Variants in HS6ST1 observed in about 807,000 individuals in gnomAD.
The protein encoded by HS6ST1 is heparan-sulfate 6-O-sulfotransferase 1.
HS6ST1 carries 3 observed loss-of-function variants against 25.2 expected under a neutral mutation model. That is an observed-to-expected ratio of 0.12 (90% confidence interval 0.05 to 0.31). The LOEUF is 0.31. HS6ST1 is among the 10% of genes least tolerant of loss of function. The pLI is 1.00. For synonymous variants in HS6ST1, 204 were observed against 275.1 expected, an observed-to-expected ratio of 0.74 and a Z score of 2.56; for missense variants, 310 against 609.6, an observed-to-expected ratio of 0.51 and a Z score of 5.18.
intron 1 of HS6ST1, among the ~76,000 whole-genome samples, chr2:128,273,456 C>T (rs1224332359): frequency 1.3e-5 from 2 of 152,228 alleles, no homozygotes; most frequent in Non-Finnish European, 2.9e-5. Flanking sequence ...CTGCCCTTGG[C>T]CACCGTCCAG....
chr2:128,309,537 G>A (rs1025444003), intron 1 of HS6ST1, among the ~76,000 whole-genome samples: 3 of 152,208 alleles, frequency 2.0e-5, no homozygotes, highest in Non-Finnish European at 4.4e-5. Context: ...CATGACCACC[G>A]GGGGCGGTCA....
At chr2:128,287,456 G>A (rs74823677) in intron 1 of HS6ST1, among the ~76,000 whole-genome samples, 3 of 152,338 alleles carry the variant, frequency 2.0e-5, no homozygotes, top group Non-Finnish European at 4.4e-5. Context: ...ACAGAGAACT[G>A]GGCAGAGAGC....
In HS6ST1 at chr2:128,268,521, G is replaced by T. The variant is rs1419662407; in HGVS notation, c.877C>A (p.Leu293Met). The change falls in exon 2 of 2, where the codon CTG becomes ATG. Residue 293 changes from leucine to methionine, a missense_variant. Transcript: ENST00000259241. ...KNLRGMAFFG[L>M]TEFQRKTQYL... The stretch of plus-strand genomic sequence containing the variant: ...TGCGTCTTGCGCTGGAACTCGGTCA[G>T]GCCGAAGAAGGCCATGCCCCGCAGG... 5 of 1,604,552 alleles carry T rather than the reference G, an allele frequency of 3.1e-6. No individual in the cohort carries two copies. Among genetic ancestry groups the T allele is most frequent in the Non-Finnish European group, 1.7e-6 (2 of 1,175,432 alleles).
At chr2:128,276,142 A>G (rs1693691055) in intron 1 of HS6ST1, among the ~76,000 whole-genome samples, 1 of 152,142 alleles carries the variant, frequency 6.6e-6, no homozygotes, top group African/African-American at 2.4e-5. Context: ...AATTATTATT[A>G]TTATTGAGAC....
At chr2:128,293,108 T>A (rs994145389) in intron 1 of HS6ST1, among the ~76,000 whole-genome samples, 7 of 152,092 alleles carry the variant, frequency 4.6e-5, no homozygotes, top group Admixed American at 3.9e-4. Flanking sequence ...CAGGCCTCCC[T>A]CCCCAAAGGC....
At chr2:128,303,916 A>T (rs1694169698) in intron 1 of HS6ST1, among the ~76,000 whole-genome samples, 1 of 152,230 alleles carries the variant, frequency 6.6e-6, no homozygotes. Flanking sequence ...GTGAGCAGAG[A>T]TCTTCCAATC....
intron 1 of HS6ST1, 48 bp downstream of exon 1, chr2:128,317,989 G>T: frequency 7.1e-7 from 1 of 1,400,676 alleles, no homozygotes. Flanking sequence ...CATACGGCCC[G>T]GCCTCGGGGG....
Position 128,267,473 on chromosome 2 carries a change from G to C in HS6ST1, c.*689C>G, listed in dbSNP as rs1573685666. ...ACCCCTCCTTGGTCTGAGGACTGTA[G>C]GGAGTGGGTGGGGCCTGAACATCAG... On this transcript the variant is annotated 3_prime_UTR_variant, in exon 2 of 2. Coordinates refer to ENST00000259241, the MANE Select transcript of HS6ST1 (RefSeq NM_004807.3). The C allele has an allele frequency of 6.5e-6, 1 of 153,620 alleles. No individual in the cohort carries two copies. The highest frequency in any genetic ancestry group is 1.4e-5 in the Non-Finnish European group (1 of 69,090). 9.5% of individuals were successfully genotyped at this position (153,620 alleles called of 1,614,324 possible). A position where few individuals can be genotyped will look rare whatever the true frequency, so the allele number is the denominator to read the frequency against.
rs1318016490 is a variant in HS6ST1 at position 128,268,421 on chromosome 2, C to T, written c.977G>A (p.Gly326Asp). ...GATGGTGTCTTCATCCACCTCCACG[C>T]CGCCCGCCCGCGTGCTATTGTACTG... Reference protein sequence around the residue: ...FMQYNSTRAGGVEVDEDTIRR... With the variant: ...FMQYNSTRAGDVEVDEDTIRR... Residue 326 changes from glycine (G) to aspartate (D), a missense_variant, in exon 2 of 2, where the codon GGC becomes GAC. Transcript: ENST00000259241. The T allele has an allele frequency of 3.1e-6, 5 of 1,613,638 alleles. No homozygotes were observed. Among genetic ancestry groups the T allele is most frequent in the Non-Finnish European group, 4.2e-6 (5 of 1,179,862 alleles).
chr2:128,278,830 T>C (rs1693736046), intron 1 of HS6ST1, among the ~76,000 whole-genome samples: 1 of 152,152 alleles, frequency 6.6e-6, no homozygotes, highest in Non-Finnish European at 1.5e-5. Context: ...GATAATGAAT[T>C]TTTTTCAACA....
chr2:128,277,964 A>C (rs1693720289), intron 1 of HS6ST1, among the ~76,000 whole-genome samples: 1 of 152,224 alleles, frequency 6.6e-6, no homozygotes. Context: ...AGTGTGCCCC[A>C]CAATCAGGTA....
intron 1 of HS6ST1, among the ~76,000 whole-genome samples, chr2:128,294,690 G>A (rs1406205263): frequency 6.7e-6 from 1 of 148,746 alleles, no homozygotes; most frequent in Non-Finnish European, 1.5e-5. Context: ...GTGTGTGTGT[G>A]TGTGTGTGTG....
intron 1 of HS6ST1, among the ~76,000 whole-genome samples, chr2:128,286,103 G>C (rs1187395751): frequency 5.9e-5 from 9 of 152,208 alleles, no homozygotes. Flanking sequence ...GGCGTATGTA[G>C]GGAGACTTAG....
intron 1 of HS6ST1, among the ~76,000 whole-genome samples, chr2:128,283,899 T>C (rs1693823114): frequency 6.6e-6 from 1 of 152,220 alleles, no homozygotes; most frequent in Non-Finnish European, 1.5e-5. Context: ...CTCCTGGGAC[T>C]GTGGAGATTT....
At chr2:128,275,518 A>G (rs770079664) in intron 1 of HS6ST1, among the ~76,000 whole-genome samples, 7 of 152,240 alleles carry the variant, frequency 4.6e-5, no homozygotes, top group African/African-American at 4.8e-5. Flanking sequence ...TCATAAGCCA[A>G]CTGGAACTAC....
chr2:128,273,801 T>A (rs1693649892), intron 1 of HS6ST1, among the ~76,000 whole-genome samples: 1 of 152,122 alleles, frequency 6.6e-6, no homozygotes, highest in Non-Finnish European at 1.5e-5. Flanking sequence ...GGTGGAGGTG[T>A]CAAACAGAAG....
At chr2:128,275,217 G>C (rs531172975) in intron 1 of HS6ST1, among the ~76,000 whole-genome samples, 1 of 152,180 alleles carries the variant, frequency 6.6e-6, no homozygotes, top group African/African-American at 2.4e-5. Flanking sequence ...AGCGGTAAAT[G>C]ATGGTTTTGA....
intron 1 of HS6ST1, among the ~76,000 whole-genome samples, chr2:128,300,953 G>A (rs1407425075): frequency 1.3e-5 from 2 of 152,262 alleles, no homozygotes; most frequent in Non-Finnish European, 2.9e-5. Flanking sequence ...TAAGAAATGA[G>A]TGCCTCTGTC....
chr2:128,269,721 T>C (rs1268375130), intron 1 of HS6ST1, among the ~76,000 whole-genome samples: 2 of 152,048 alleles, frequency 1.3e-5, no homozygotes, highest in Non-Finnish European at 2.9e-5. Flanking sequence ...CTGGGGTGGG[T>C]GGGCTTCAGG....
Sources: gnomAD v4.1 joint callset for allele counts (sites outside exome capture counted in the v4.1 genomes callset) on GRCh38, gnomAD v4.1.1 for gene constraint, MANE v1.5 for transcripts, NCBI Gene and HGNC (gene_info 2026-07-23, HGNC 2026-07-21) for gene names.